Variants in KIFC3 observed in about 807,000 individuals in gnomAD.
KIFC3 encodes kinesin family member C3.
In KIFC3, 60 loss-of-function variants were observed where a neutral mutation model predicts 101.8. That is an observed-to-expected ratio of 0.59 (90% CI 0.48 to 0.73). The LOEUF (loss-of-function observed/expected upper bound fraction) is 0.73. Ranked by LOEUF, KIFC3 falls within the 30% of genes least tolerant of loss-of-function variation. The pLI, the probability that KIFC3 is intolerant of heterozygous loss-of-function variation, is 0.00. For missense variants in KIFC3, 966 were observed against 1,137.1 expected (o/e 0.85, Z 2.16); for synonymous variants, 476 against 482.7 (o/e 0.99, Z 0.18).
intron 12 of KIFC3, 41 bp from the exon 13 acceptor site, chr16:57,762,311 C>G (rs1478812530): frequency 4.1e-6 from 6 of 1,478,684 alleles, no homozygotes; most frequent in Non-Finnish European, 5.4e-6. Flanking sequence ...CAGGCCTGTC[C>G]CCAAAGACGC....
At chr16:57,763,586 C>T (rs1555599906) in intron 12 of KIFC3, among the ~76,000 whole-genome samples, 2 of 151,996 alleles carry the variant, frequency 1.3e-5, no homozygotes, top group Non-Finnish European at 2.9e-5. Flanking sequence ...TCTCAACGCC[C>T]CTCTCCCTGG....
intron 3 of KIFC3, chr16:57,774,177 C>T (rs117295795): frequency 0.019 from 2,839 of 152,314 alleles, 32 homozygotes; most frequent in Middle Eastern, 0.041. Flanking sequence ...CTTCTCTGCC[C>T]GCTCAGTGCC....
At chr16:57,835,224 G>C (rs1251688137) in intron 1 of KIFC3, among the ~76,000 whole-genome samples, 1 of 152,096 alleles carries the variant, frequency 6.6e-6, no homozygotes, top group Non-Finnish European at 1.5e-5. Context: ...TCTGGCAACA[G>C]AAACTACCAA....
upstream of KIFC3, chr16:57,802,857 G>A (rs1568066574): frequency 2.8e-6 from 3 of 1,074,592 alleles, no homozygotes; most frequent in Admixed American, 2.0e-5. The surrounding 1 kb of genome is among the most constrained non-coding windows in gnomAD (Gnocchi z 5.0). Flanking sequence ...CCTCAAACCC[G>A]AGTGCAAAAC....
In KIFC3 at chr16:57,771,266, GCCGCT is replaced by G; in HGVS notation, c.692_696del (p.Glu231AlafsTer2). On this transcript the variant is annotated frameshift_variant, in exon 6 of 20. Coordinates refer to ENST00000445690, the MANE Select transcript of KIFC3 (RefSeq NM_001130100.2). LOFTEE classifies it high-confidence loss of function. ...TGGCTGTCACGCAGGCGCCGACTAA[GCCGCT>G]CCTCCTCCTGTGCCTTCTCAGCCAG... 1 of 1,613,356 alleles carries G rather than the reference GCCGCT, an allele frequency of 6.2e-7. No homozygotes were observed. Among genetic ancestry groups the G allele is most frequent in the South Asian group, 1.1e-5 (1 of 91,088 alleles).
At chr16:57,816,965 C>T in intron 1 of KIFC3, 1 of 335,490 alleles carries the variant, frequency 3.0e-6, no homozygotes, top group Non-Finnish European at 5.9e-6. Flanking sequence ...ACATGCCGGG[C>T]ACCATGGCAT....
chr16:57,789,677 T>C (rs79468859), intron 3 of KIFC3, among the ~76,000 whole-genome samples: 18,340 of 152,280 alleles, frequency 0.12, 1,328 homozygotes, highest in African/African-American at 0.19. Flanking sequence ...TTGAACCTCT[T>C]TGGCATTTGA....
intron 1 of KIFC3, among the ~76,000 whole-genome samples, chr16:57,829,534 C>T (rs1466636193): frequency 4.6e-5 from 7 of 152,176 alleles, no homozygotes; most frequent in African/African-American, 1.7e-4. Context: ...GGATTACAGG[C>T]GTGAGCCACC....
In KIFC3 at chr16:57,765,501, G is replaced by C. The variant is rs200687702; in HGVS notation, c.1470C>G (p.Phe490Leu). The change falls in exon 11 of 20, where the codon TTC (phenylalanine) becomes TTG (leucine). Residue 490 changes from phenylalanine (F) to leucine (L), a missense_variant. Coordinates refer to ENST00000445690, the MANE Select transcript of KIFC3 (RefSeq NM_001130100.2). ...GTGGGGAGAAGACCTTGTCCAGCTC[G>C]AAGGACACAGGCTTGCCCTTGTGCA... ...HLLHKGKPVS[F>L]ELDKVFSPQA... The C allele has an allele frequency of 1.3e-6, 2 of 1,590,460 alleles. No individual in the cohort carries two copies. Among genetic ancestry groups the C allele is most frequent in the African/African-American group, 1.3e-5 (1 of 74,736 alleles).
chr16:57,791,063 G>T, intron 3 of KIFC3: 1 of 260,302 alleles, frequency 3.8e-6, no homozygotes, highest in Non-Finnish European at 6.0e-6. Flanking sequence ...GTGAAACCCT[G>T]TCTCTACAAA....
At chr16:57,855,256 C>G (rs1180785963) in intron 1 of KIFC3, among the ~76,000 whole-genome samples, 2 of 151,806 alleles carry the variant, frequency 1.3e-5, no homozygotes, top group East Asian at 3.9e-4. Flanking sequence ...TCCCAAGTAG[C>G]TGGGATTACA....
At chr16:57,859,213 C>T (rs1361642758) in intron 1 of KIFC3, among the ~76,000 whole-genome samples, 1 of 152,200 alleles carries the variant, frequency 6.6e-6, no homozygotes, top group Non-Finnish European at 1.5e-5. Context: ...GCCATTACTA[C>T]TCTACAACTT....
intron 1 of KIFC3, among the ~76,000 whole-genome samples, chr16:57,861,585 T>C (rs1959274923): frequency 6.6e-6 from 1 of 152,200 alleles, no homozygotes; most frequent in African/African-American, 2.4e-5. Context: ...AGCGTCCACT[T>C]TCCCAGGGGT....
chr16:57,805,480 T>TTCA (rs1461239530), upstream of KIFC3, among the ~76,000 whole-genome samples: 1 of 152,076 alleles, frequency 6.6e-6, no homozygotes, highest in Non-Finnish European at 1.5e-5. Context: ...GACTCTTGGG[T>TTCA]TCAGCCTTAG....
At chr16:57,826,716 A>G (rs947570008) in intron 1 of KIFC3, among the ~76,000 whole-genome samples, 4 of 152,220 alleles carry the variant, frequency 2.6e-5, no homozygotes, top group African/African-American at 9.6e-5. Flanking sequence ...CCCTGTGTGC[A>G]TAAGTGTTTT....
At chr16:57,832,318 G>C (rs1231159976) in intron 1 of KIFC3, among the ~76,000 whole-genome samples, 1 of 129,552 alleles carries the variant, frequency 7.7e-6, no homozygotes, top group Non-Finnish European at 1.6e-5. Flanking sequence ...ACGGCGCCAG[G>C]CCCTTTTTTT....
intron 1 of KIFC3, among the ~76,000 whole-genome samples, chr16:57,839,471 T>G (rs999469): frequency 0.12 from 18,589 of 151,776 alleles, 1,454 homozygotes; most frequent in Admixed American, 0.21. Context: ...GATTGGGAGG[T>G]GGAGGCTACG....
chr16:57,795,244 A>C, intron 2 of KIFC3, 103 bp from the exon 3 acceptor site: 7 of 1,361,684 alleles, frequency 5.1e-6, no homozygotes, highest in Non-Finnish European at 6.0e-6. Flanking sequence ...GCTTTCACAC[A>C]TCCCTGGCTG....
intron 1 of KIFC3, among the ~76,000 whole-genome samples, chr16:57,844,672 C>T (rs1180928597): frequency 2.0e-5 from 3 of 152,066 alleles, no homozygotes; most frequent in African/African-American, 7.2e-5. Context: ...CCTCCGCAGG[C>T]CCCAGGTGTT....
Sources: gnomAD v4.1 joint callset for allele counts (sites outside exome capture counted in the v4.1 genomes callset) on GRCh38, gnomAD v4.1.1 for gene constraint, Gnocchi (gnomAD v3.1) non-coding constraint, MANE v1.5 for transcripts, NCBI Gene and HGNC (gene_info 2026-07-23, HGNC 2026-07-21) for gene names.